The following DLC1 variants were observed in gnomAD, a reference collection of about 807,000 sequenced individuals.
DLC1 encodes the protein DLC1 Rho GTPase activating protein.
DLC1 carries 54 observed loss-of-function variants against 140.3 expected under a neutral mutation model. The observed-to-expected ratio is 0.38, with a 90% CI of 0.31 to 0.48. DLC1 has a LOEUF of 0.48. Among genes scored for constraint, DLC1 ranks in the 20% least tolerant of loss-of-function variants. DLC1 has a pLI of 0.96. For synonymous variants in DLC1, 986 were observed against 728.1 expected (o/e 1.35, Z -5.70); for missense variants, 2,536 against 1,907.0 (o/e 1.33, Z -6.14).
chr8:13,209,508 T>C lies in DLC1; in HGVS notation c.1349-93851A>G, dbSNP rs187532562. On this transcript the variant is annotated intron_variant, in intron 5 of 17. Coordinates refer to ENST00000276297, the MANE Select transcript of DLC1 (RefSeq NM_182643.3). ...TATAGAATATGGTATTGCTCATAAATAGAAAAAATAGCAAAACCCTGTGAT... is the reference window on the plus strand; with the variant it reads ...TATAGAATATGGTATTGCTCATAAACAGAAAAAATAGCAAAACCCTGTGAT... 9.9e-5 allele frequency among the ~76,000 whole-genome samples: 15 copies of C among 152,232 alleles called. No homozygotes were observed. In the East Asian group the frequency reaches 2.7e-3, roughly 27 times the overall value.
intron 2 of DLC1, among the ~76,000 whole-genome samples, chr8:13,445,680 C>G (rs993323464): frequency 6.6e-6 from 1 of 152,060 alleles, no homozygotes; most frequent in African/African-American, 2.4e-5. Context: ...ATAGGGAGGC[C>G]GAAGTTTTTG....
chr8:13,473,511 A>C (rs183622996), intron 2 of DLC1, among the ~76,000 whole-genome samples: 1 of 152,256 alleles, frequency 6.6e-6, no homozygotes, highest in Non-Finnish European at 1.5e-5. Flanking sequence ...GTATATACCC[A>C]AAAATGTGGA....
chr8:13,135,152 C>T (rs1330455824), intron 5 of DLC1, among the ~76,000 whole-genome samples: 1 of 151,792 alleles, frequency 6.6e-6, no homozygotes, highest in African/African-American at 2.4e-5. Context: ...GTTTCAGTCC[C>T]CTGCGTGACT....
chr8:13,124,277 T>G (rs1778275259), intron 5 of DLC1, among the ~76,000 whole-genome samples: 1 of 152,160 alleles, frequency 6.6e-6, no homozygotes, highest in Admixed American at 6.5e-5. Flanking sequence ...GGGCCCAGTC[T>G]GTACTCCTTT....
intron 1 of DLC1, among the ~76,000 whole-genome samples, chr8:13,556,625 A>G (rs1231415502): frequency 2.0e-5 from 3 of 152,150 alleles, no homozygotes; most frequent in Non-Finnish European, 4.4e-5. Context: ...CTCAGGACAG[A>G]CAATGTACCA....
At chr8:13,515,330 TG>T (rs971260618), upstream of DLC1, 15 of 152,334 alleles carry the variant, frequency 9.8e-5, no homozygotes, top group African/African-American at 3.6e-4. Context: ...ATTCTGTCCC[TG>T]AGACCATCTG....
chr8:13,363,613 G>A (rs1835345674), intron 4 of DLC1, among the ~76,000 whole-genome samples: 1 of 151,936 alleles, frequency 6.6e-6, no homozygotes, highest in South Asian at 2.1e-4. Flanking sequence ...AGAACCTAAA[G>A]TCATTGGTTA....
intron 4 of DLC1, among the ~76,000 whole-genome samples, chr8:13,310,447 T>C (rs1255711142): frequency 6.6e-6 from 1 of 152,200 alleles, no homozygotes; most frequent in Non-Finnish European, 1.5e-5. Flanking sequence ...AAATAAGTAA[T>C]TCTGTCCTTA....
At chr8:13,087,349 C>A (rs1817652228) in intron 16 of DLC1, among the ~76,000 whole-genome samples, 1 of 152,240 alleles carries the variant, frequency 6.6e-6, no homozygotes, top group Non-Finnish European at 1.5e-5. Context: ...CTTCAGCAGC[C>A]ATGAGTGTGC....
intron 5 of DLC1, among the ~76,000 whole-genome samples, chr8:13,152,897 G>C (rs971270037): frequency 2.0e-5 from 3 of 150,010 alleles, no homozygotes; most frequent in Non-Finnish European, 4.4e-5. Flanking sequence ...TTGCCTTAGA[G>C]AATTAGTTGG....
intron 5 of DLC1, among the ~76,000 whole-genome samples, chr8:13,304,267 G>C (rs1223198339): frequency 6.6e-6 from 1 of 152,248 alleles, no homozygotes; most frequent in Admixed American, 6.5e-5. Context: ...GTTATGTTGT[G>C]TGATTTTTCT....
intron 1 of DLC1, among the ~76,000 whole-genome samples, chr8:13,592,501 A>G (rs1458914246): frequency 1.3e-5 from 2 of 152,030 alleles, no homozygotes; most frequent in Non-Finnish European, 2.9e-5. Flanking sequence ...TTCCATCCAA[A>G]ACCTAACATT....
chr8:13,542,295 G>T (rs1197681891), intron 1 of DLC1, among the ~76,000 whole-genome samples: 1 of 152,086 alleles, frequency 6.6e-6, no homozygotes. Flanking sequence ...AGTAGCAATT[G>T]TTGAAAGGAC....
chr8:13,440,940 C>T (rs1037107758), intron 2 of DLC1, among the ~76,000 whole-genome samples: 13 of 152,156 alleles, frequency 8.5e-5, no homozygotes, highest in African/African-American at 2.9e-4. Context: ...TCTTTATCAG[C>T]AGCATGAAAA....
rs1224318895 is a variant in DLC1, at chr8:13,100,447, C to T, written c.1890G>A (p.Leu630=). ...TGCCGAAAGAGTCGTCATTGCCTGCCAAGTTGCTGGAGGAGCAAACGCTGA... is the reference window on the plus strand; with the variant it reads ...TGCCGAAAGAGTCGTCATTGCCTGCTAAGTTGCTGGAGGAGCAAACGCTGA... ...SVISVCSSSN[L]AGNDDSFGSL... The change falls in exon 9 of 18, where the codon TTG becomes TTA. Residue 630 remains leucine, a synonymous_variant. Coordinates refer to ENST00000276297, the MANE Select transcript of DLC1 (RefSeq NM_182643.3). The T allele has an allele frequency of 3.1e-6, 5 of 1,613,864 alleles. No individual in the cohort carries two copies. The East Asian group carries it at 6.7e-5, about 22-fold the overall frequency.
chr8:13,441,587 C>A (rs1029788146), intron 2 of DLC1, among the ~76,000 whole-genome samples: 15 of 152,122 alleles, frequency 9.9e-5, no homozygotes, highest in Non-Finnish European at 2.9e-5. Flanking sequence ...AGAGCCAAAT[C>A]ATGAGTGAAC....
intron 2 of DLC1, among the ~76,000 whole-genome samples, chr8:13,497,697 T>A (rs946231360): frequency 2.6e-5 from 4 of 152,232 alleles, no homozygotes; most frequent in African/African-American, 9.6e-5. Flanking sequence ...CAGTTAATAC[T>A]GTCTTATGTC....
intron 5 of DLC1, chr8:13,276,264 G>C: frequency 6.5e-7 from 1 of 1,534,944 alleles, no homozygotes; most frequent in Non-Finnish European, 8.7e-7. Context: ...CCTCTCACCT[G>C]CCAGCCGTCT....
At chr8:13,435,996 G>T (rs1055654367) in intron 2 of DLC1, among the ~76,000 whole-genome samples, 1 of 152,180 alleles carries the variant, frequency 6.6e-6, no homozygotes, top group Non-Finnish European at 1.5e-5. Context: ...TCAGATGATT[G>T]TTAACATTTT....
Sources: gnomAD v4.1 joint callset for allele counts (sites outside exome capture counted in the v4.1 genomes callset) on GRCh38, gnomAD v4.1.1 for gene constraint, MANE v1.5 for transcripts, NCBI Gene and HGNC (gene_info 2026-07-23, HGNC 2026-07-21) for gene names.